COL24A1: variants seen among roughly 807,000 people sequenced by gnomAD.
COL24A1 encodes the protein collagen type XXIV alpha 1 chain, also known as collagen alpha-1(XXIV) chain.
In COL24A1, 224 loss-of-function variants were observed where a neutral mutation model predicts 253.9. That is an observed-to-expected ratio of 0.88 (90% CI 0.79 to 0.99). The LOEUF (loss-of-function observed/expected upper bound fraction) is 0.99. COL24A1 is among the 50% of genes least tolerant of loss of function. COL24A1 has a pLI of 0.00. For synonymous variants in COL24A1, 685 were observed against 673.7 expected (o/e 1.02, Z -0.26); for missense variants, 2,131 against 2,068.5 (o/e 1.03, Z -0.59).
At chr1:85,770,804 G>T (rs142354552) in intron 53 of COL24A1, among the ~76,000 whole-genome samples, 1 of 152,318 alleles carries the variant, frequency 6.6e-6, no homozygotes, top group African/African-American at 2.4e-5. Flanking sequence ...GGTCACAAAA[G>T]TGCTGTGTAC....
intron 28 of COL24A1, among the ~76,000 whole-genome samples, chr1:85,902,929 A>C (rs1303597952): frequency 6.6e-6 from 1 of 152,162 alleles, no homozygotes; most frequent in Non-Finnish European, 1.5e-5. Flanking sequence ...AGCACATAGA[A>C]ATGATAAATG....
intron 32 of COL24A1, among the ~76,000 whole-genome samples, chr1:85,885,830 C>T (rs1682432737): frequency 1.3e-5 from 2 of 152,016 alleles, no homozygotes; most frequent in African/African-American, 4.8e-5. Context: ...GTGCAAATGT[C>T]CTTTGGGCAA....
At chr1:85,905,295 T>C (rs1260602367) in intron 28 of COL24A1, among the ~76,000 whole-genome samples, 1 of 152,148 alleles carries the variant, frequency 6.6e-6, no homozygotes, top group Non-Finnish European at 1.5e-5. Context: ...TATTCTCATT[T>C]TTTGTGAGTG....
chr1:85,758,426 C>T (rs1666504518), intron 55 of COL24A1, among the ~76,000 whole-genome samples: 2 of 152,272 alleles, frequency 1.3e-5, no homozygotes, highest in African/African-American at 2.4e-5. Flanking sequence ...TATAGACACC[C>T]TGTTCTTCCC....
chr1:85,922,894 C>A (rs1686695117), intron 24 of COL24A1, among the ~76,000 whole-genome samples: 1 of 152,082 alleles, frequency 6.6e-6, no homozygotes, highest in Non-Finnish European at 1.5e-5. Flanking sequence ...AGAGTCAAGA[C>A]CCATCAGTGT....
chr1:85,775,424 T>C (rs491357), intron 53 of COL24A1, among the ~76,000 whole-genome samples: 132,419 of 152,094 alleles, frequency 0.87, 59,066 homozygotes, highest in Non-Finnish European at 0.96. Context: ...CCTGGATATC[T>C]TTGTTAATTT....
intron 30 of COL24A1, 29 bp downstream of exon 30, chr1:85,895,992 T>C: frequency 6.2e-7 from 1 of 1,604,060 alleles, no homozygotes; most frequent in Non-Finnish European, 8.5e-7. Flanking sequence ...AAAATGTTCA[T>C]CTTTAATGTG....
At chr1:85,849,536 T>G in intron 37 of COL24A1, 130 bp from the exon 38 acceptor site, 1 of 712,648 alleles carries the variant, frequency 1.4e-6, no homozygotes, top group Non-Finnish European at 2.4e-6. Context: ...AATTTTCACA[T>G]TATTAGGTTT....
chr1:85,959,225 A>G (rs1306333140), intron 24 of COL24A1, among the ~76,000 whole-genome samples: 1 of 152,138 alleles, frequency 6.6e-6, no homozygotes, highest in African/African-American at 2.4e-5. Flanking sequence ...ACTGAGAGCC[A>G]AAAATAAAAA....
intron 10 of COL24A1, among the ~76,000 whole-genome samples, chr1:86,057,506 T>A (rs779704734): frequency 6.6e-6 from 1 of 152,328 alleles, no homozygotes; most frequent in East Asian, 1.9e-4. Flanking sequence ...ATGTTCTGGA[T>A]ACAATAAGGT....
At chr1:86,132,555 A>C (rs1369734270) in intron 2 of COL24A1, among the ~76,000 whole-genome samples, 1 of 152,134 alleles carries the variant, frequency 6.6e-6, no homozygotes, top group Non-Finnish European at 1.5e-5. Context: ...AGGTGTAAGG[A>C]AGGGATCCAT....
intron 53 of COL24A1, among the ~76,000 whole-genome samples, chr1:85,772,849 G>T (rs1447942980): frequency 6.6e-6 from 1 of 152,070 alleles, no homozygotes; most frequent in Non-Finnish European, 1.5e-5. Flanking sequence ...AGTTTCTTTT[G>T]CTGTGCAGAA....
chr1:86,042,862 G>A (rs2101618867), intron 12 of COL24A1, among the ~76,000 whole-genome samples: 1 of 152,190 alleles, frequency 6.6e-6, no homozygotes, highest in South Asian at 2.1e-4. Flanking sequence ...CCATTTCTGT[G>A]CTATATGTAT....
At chr1:85,870,551 C>A (rs1680345641) in intron 35 of COL24A1, among the ~76,000 whole-genome samples, 1 of 152,082 alleles carries the variant, frequency 6.6e-6, no homozygotes, top group African/African-American at 2.4e-5. Flanking sequence ...ACTCACTCAA[C>A]ACTGCTCAAC....
chr1:85,901,421 A>C (rs1232439198), intron 28 of COL24A1, among the ~76,000 whole-genome samples: 4 of 152,152 alleles, frequency 2.6e-5, no homozygotes, highest in Admixed American at 6.5e-5. Context: ...GCCAGGATGC[A>C]CAGCAAAGGG....
intron 32 of COL24A1, among the ~76,000 whole-genome samples, chr1:85,887,329 TCTC>T (rs1310337846): frequency 2.0e-5 from 3 of 152,110 alleles, no homozygotes; most frequent in African/African-American, 4.8e-5. Flanking sequence ...ATATCACCAT[TCTC>T]CTCTTATTGA....
chr1:86,038,085 T>C (rs1252277775), intron 12 of COL24A1, among the ~76,000 whole-genome samples: 8 of 152,150 alleles, frequency 5.3e-5, no homozygotes, highest in Non-Finnish European at 1.2e-4. Context: ...AAAAAAATCT[T>C]ATCATGCTTC....
chr1:85,860,734 CTG>C (rs1442684038), intron 37 of COL24A1, among the ~76,000 whole-genome samples: 5 of 152,204 alleles, frequency 3.3e-5, no homozygotes, highest in African/African-American at 1.2e-4. Context: ...GAGCAAGACT[CTG>C]TCTCAAAAAC....
chr1:85,909,927 T>G, intron 26 of COL24A1, 23 bp downstream of exon 26: 3 of 1,597,668 alleles, frequency 1.9e-6, no homozygotes, highest in Non-Finnish European at 1.7e-6. Flanking sequence ...GGAAACATAT[T>G]TTTCAAATCA....
Sources: allele counts gnomAD v4.1 joint callset (sites outside exome capture counted in the v4.1 genomes callset), GRCh38; gene constraint gnomAD v4.1.1; transcripts MANE v1.5; gene names NCBI Gene and HGNC (gene_info 2026-07-23, HGNC 2026-07-21).